The following ULK4 variants were observed in gnomAD, a reference collection of about 807,000 sequenced individuals.
ULK4 encodes the protein unc-51 like kinase 4.
A neutral mutation model predicts 160.6 loss-of-function variants in ULK4; 133 were observed. The ratio of observed to expected loss-of-function variants is 0.83; its 90% CI spans 0.72 to 0.96. The LOEUF is 0.96. Ranked by LOEUF, ULK4 falls within the 40% of genes least tolerant of loss-of-function variation. ULK4 has a pLI of 0.00. For synonymous variants in ULK4, 534 were observed against 539.8 expected, an observed-to-expected ratio of 0.99 and a Z score of 0.15; for missense variants, 1,580 against 1,499.5, an observed-to-expected ratio of 1.05 and a Z score of -0.89.
chr3:41,412,553 A>ATTTTTTTCTTTTTTTTTTTTTT (rs2082429333), intron 34 of ULK4, among the ~76,000 whole-genome samples: 5 of 100,434 alleles, frequency 5.0e-5, no homozygotes, highest in African/African-American at 2.1e-4. Context: ...ATGCAGTTGA[A>ATTTTTTTCTTTTTTTTTTTTTT]TTTTTTTTTT....
At chr3:41,909,550 A>C (rs1437373176) in intron 11 of ULK4, among the ~76,000 whole-genome samples, 1 of 11,730 alleles carries the variant, frequency 8.5e-5, no homozygotes, top group Non-Finnish European at 1.1e-3. Flanking sequence ...ATCTCTACTA[A>C]AAATACAAAA....
chr3:41,733,648 AAG>A (rs1361971221), intron 22 of ULK4, among the ~76,000 whole-genome samples: 1 of 151,804 alleles, frequency 6.6e-6, no homozygotes, highest in African/African-American at 2.4e-5. Context: ...TTCTCCCAAA[AAG>A]ACTTTTTTAG....
chr3:41,888,044 C>T (rs888084018), intron 16 of ULK4, among the ~76,000 whole-genome samples: 3 of 151,642 alleles, frequency 2.0e-5, no homozygotes, highest in African/African-American at 7.3e-5. Flanking sequence ...GGCATGGTAA[C>T]ATGCACCTGT....
At chr3:41,935,776 A>G in intron 4 of ULK4, 25 bp downstream of exon 4, 1 of 1,591,156 alleles carries the variant, frequency 6.3e-7, no homozygotes, top group South Asian at 1.2e-5. Context: ...AAGCAGTTAG[A>G]AAATCAAAAA....
intron 21 of ULK4, 134 bp from the exon 22 acceptor site, chr3:41,754,622 A>T (rs1235861418): frequency 7.1e-6 from 5 of 708,618 alleles, no homozygotes; most frequent in Non-Finnish European, 1.0e-5. Flanking sequence ...TCGCATTCTC[A>T]ATTTGTGCCA....
chr3:41,356,473 A>G (rs558998410), intron 35 of ULK4, among the ~76,000 whole-genome samples: 1 of 152,330 alleles, frequency 6.6e-6, no homozygotes, highest in African/African-American at 2.4e-5. Context: ...TCACAGCATC[A>G]GGAACCATAT....
chr3:41,602,559 A>G (rs1282725020), intron 31 of ULK4, among the ~76,000 whole-genome samples: 3 of 152,208 alleles, frequency 2.0e-5, no homozygotes, highest in Non-Finnish European at 4.4e-5. Flanking sequence ...AGGTAAGAGC[A>G]CACAGGAACT....
intron 30 of ULK4, among the ~76,000 whole-genome samples, chr3:41,647,022 G>A (rs886808176): frequency 3.3e-5 from 5 of 151,872 alleles, no homozygotes; most frequent in African/African-American, 9.7e-5. Flanking sequence ...TGTAGTTCTC[G>A]AGCCTTGGCT....
intron 27 of ULK4, among the ~76,000 whole-genome samples, chr3:41,703,755 AC>A (rs1414641479): frequency 1.3e-5 from 2 of 152,080 alleles, no homozygotes; most frequent in African/African-American, 4.8e-5. Flanking sequence ...TTAAAAAAAA[AC>A]CCAAAGTAGA....
At position 41,325,277 on chromosome 3, in the gene ULK4, AC is replaced by A. The variant is rs535954579; in HGVS notation, c.3678+72801del. ...CAGAGGTTGTTCACTCAGAAAAGAA[AC>A]CCAGGAGGTGGGGGTATCTGGGGAG... On this transcript the variant is annotated intron_variant, in intron 35 of 36. Transcript: ENST00000301831. Among the ~76,000 whole-genome samples, 93 of 152,320 alleles carry A rather than the reference AC, an allele frequency of 6.1e-4. 1 individual carries two copies. The highest frequency in any genetic ancestry group is 1.8e-3 in the Admixed American group (27 of 15,294).
At chr3:41,928,651 G>T (rs1301476288) in intron 5 of ULK4, among the ~76,000 whole-genome samples, 1 of 151,366 alleles carries the variant, frequency 6.6e-6, no homozygotes. Flanking sequence ...AATGATAAAG[G>T]AGATATTACC....
chr3:41,436,102 T>C (rs1236097315), intron 34 of ULK4, among the ~76,000 whole-genome samples: 1 of 152,200 alleles, frequency 6.6e-6, no homozygotes, highest in Admixed American at 6.5e-5. Flanking sequence ...ACAACCATTG[T>C]CTTTTTCACT....
intron 32 of ULK4, among the ~76,000 whole-genome samples, chr3:41,486,004 G>C (rs1387120872): frequency 6.6e-6 from 1 of 152,122 alleles, no homozygotes; most frequent in Non-Finnish European, 1.5e-5. Flanking sequence ...AAACATATCT[G>C]ACCTTTTGGA....
intron 18 of ULK4, among the ~76,000 whole-genome samples, chr3:41,828,363 C>A (rs2041446101): frequency 6.6e-6 from 1 of 150,490 alleles, no homozygotes; most frequent in South Asian, 2.1e-4. Flanking sequence ...CAAATTGTCC[C>A]TGTTTACAGA....
At chr3:41,757,151 A>G (rs1333913773) in intron 21 of ULK4, among the ~76,000 whole-genome samples, 6 of 152,176 alleles carry the variant, frequency 3.9e-5, no homozygotes, top group African/African-American at 2.4e-5. Context: ...GAACTAAGAA[A>G]GTAAGAGTCC....
chr3:41,684,984 G>A (rs1341970133), intron 27 of ULK4, among the ~76,000 whole-genome samples: 1 of 152,220 alleles, frequency 6.6e-6, no homozygotes, highest in Non-Finnish European at 1.5e-5. Context: ...GAAGACCAAT[G>A]ACAACTGCCT....
At position 41,685,478 on chromosome 3, in the gene ULK4, C is replaced by A. The variant is rs567328374; in HGVS notation, c.2782-3674G>T. Among the ~76,000 whole-genome samples, 5 of 152,290 alleles carry A rather than the reference C, an allele frequency of 3.3e-5. No homozygotes were observed. The South Asian group carries it at 1.0e-3, about 32-fold the overall frequency. On this transcript the variant is annotated intron_variant, in intron 27 of 36. Coordinates refer to ENST00000301831, the MANE Select transcript of ULK4 (RefSeq NM_017886.4). ...TCATACTCTGTTGTTCTTCTATGCT[C>A]CCATAATGTTTAACCATGCCTTTTA...
At chr3:41,763,235 A>T (rs1273582456) in intron 21 of ULK4, among the ~76,000 whole-genome samples, 1 of 152,206 alleles carries the variant, frequency 6.6e-6, no homozygotes, top group African/African-American at 2.4e-5. Context: ...AAAGAATAAA[A>T]ATACACGAAT....
chr3:41,258,803 A>G (rs779506579), intron 35 of ULK4, among the ~76,000 whole-genome samples: 9 of 152,164 alleles, frequency 5.9e-5, no homozygotes, highest in Non-Finnish European at 1.0e-4. Flanking sequence ...AAATGGAAAC[A>G]TGAATTATAC....
Sources: allele counts gnomAD v4.1 joint callset (sites outside exome capture counted in the v4.1 genomes callset), GRCh38; gene constraint gnomAD v4.1.1; transcripts MANE v1.5; gene names NCBI Gene and HGNC (gene_info 2026-07-23, HGNC 2026-07-21).